Variants in NRXN3 observed in about 807,000 individuals in gnomAD.
The protein encoded by NRXN3 is neurexin 3, also known as neurexin III.
In NRXN3, 32 loss-of-function variants were observed where a neutral mutation model predicts 137.6. That is an observed-to-expected ratio of 0.23 (90% confidence interval 0.18 to 0.31). The LOEUF is 0.31. Ranked by LOEUF, NRXN3 falls within the 10% of genes least tolerant of loss-of-function variation. NRXN3 has a pLI of 1.00. For missense variants in NRXN3, 1,574 were observed against 2,062.5 expected (o/e 0.76, Z 4.59); for synonymous variants, 798 against 784.5 (o/e 1.02, Z -0.29).
At chr14:79,142,942 C>T (rs975456702) in intron 15 of NRXN3, among the ~76,000 whole-genome samples, 1 of 152,114 alleles carries the variant, frequency 6.6e-6, no homozygotes, top group Admixed American at 6.6e-5. Flanking sequence ...GTAGCCATAA[C>T]TAAGGGAAAT....
chr14:78,643,805 G>A (rs952810466), intron 4 of NRXN3, among the ~76,000 whole-genome samples: 13 of 152,210 alleles, frequency 8.5e-5, no homozygotes, highest in African/African-American at 2.2e-4. Context: ...AGTCTCCCAC[G>A]GCTACTCCTC....
chr14:78,810,803 C>G (rs2098908313), intron 10 of NRXN3, among the ~76,000 whole-genome samples: 1 of 152,194 alleles, frequency 6.6e-6, no homozygotes, highest in Admixed American at 6.5e-5. Flanking sequence ...CAGTATTTAT[C>G]TCTGTTGGGA....
chr14:78,581,146 A>T (rs1402010663), intron 4 of NRXN3, among the ~76,000 whole-genome samples: 1 of 152,212 alleles, frequency 6.6e-6, no homozygotes, highest in Non-Finnish European at 1.5e-5. Flanking sequence ...CAAAATCACA[A>T]GGCTACTAAT....
chr14:78,426,231 A>T (rs1042273329), intron 4 of NRXN3, among the ~76,000 whole-genome samples: 1 of 152,178 alleles, frequency 6.6e-6, no homozygotes, highest in Non-Finnish European at 1.5e-5. Flanking sequence ...AGGGTCCCTT[A>T]CAGGGTGGCC....
At chr14:78,998,260 C>T (rs1043779250) in intron 15 of NRXN3, among the ~76,000 whole-genome samples, 1 of 152,076 alleles carries the variant, frequency 6.6e-6, no homozygotes, top group African/African-American at 2.4e-5. Flanking sequence ...TCTTTTTTAC[C>T]TGACTTCACC....
intron 19 of NRXN3, among the ~76,000 whole-genome samples, chr14:79,705,493 AT>A (rs1316914940): frequency 1.3e-5 from 2 of 152,122 alleles, no homozygotes; most frequent in African/African-American, 2.4e-5. Context: ...GCTTTTGCAG[AT>A]TTTTTTCCTG....
At chr14:78,990,808 A>G (rs964636619) in intron 15 of NRXN3, among the ~76,000 whole-genome samples, 3 of 152,334 alleles carry the variant, frequency 2.0e-5, no homozygotes, top group Middle Eastern at 3.4e-3. Flanking sequence ...TCTGTTTCCA[A>G]TAATTGGTAT....
intron 15 of NRXN3, among the ~76,000 whole-genome samples, chr14:79,004,455 G>A (rs2099548147): frequency 6.6e-6 from 1 of 152,120 alleles, no homozygotes; most frequent in African/African-American, 2.4e-5. Context: ...TATTGCCCAG[G>A]CAGGTCTCAA....
At chr14:79,227,787 C>CCT (rs1568684670) in intron 15 of NRXN3, among the ~76,000 whole-genome samples, 18 of 35,808 alleles carry the variant, frequency 5.0e-4, no homozygotes, top group East Asian at 2.1e-3. Flanking sequence ...CCTTCCTTCC[C>CCT]TCCTCCCTTC....
Position 79,267,815 on chromosome 14 carries a change from A to T in NRXN3, c.3263-199406A>T, listed in dbSNP as rs115799206. ...TGATCACAACTATTGGGAGTATTTT[A>T]AAATTGTAATTGACGTAGACTGGTA... On this transcript the variant is annotated intron_variant, in intron 15 of 20. Transcript: ENST00000335750. Among the ~76,000 whole-genome samples the T allele has an allele frequency of 5.8e-3, 888 of 152,292 alleles. 6 individuals are homozygous for T. Among genetic ancestry groups the T allele is most frequent in the African/African-American group, 0.021 (856 of 41,558 alleles).
chr14:79,736,375 G>A (rs4445828), intron 19 of NRXN3, among the ~76,000 whole-genome samples: 82,232 of 152,024 alleles, frequency 0.54, 22,854 homozygotes, highest in Middle Eastern at 0.67. Flanking sequence ...GACCCCATCA[G>A]GTATTTTTTG....
chr14:78,658,568 C>A (rs956494006), intron 6 of NRXN3, among the ~76,000 whole-genome samples: 1 of 152,104 alleles, frequency 6.6e-6, no homozygotes. Context: ...ATTAAAAAGG[C>A]CTGATACTGG....
At chr14:78,862,999 G>A (rs1448412166) in intron 10 of NRXN3, among the ~76,000 whole-genome samples, 1 of 152,066 alleles carries the variant, frequency 6.6e-6, no homozygotes, top group Admixed American at 6.6e-5. Context: ...AATGGAAATT[G>A]CTGTTGATGA....
chr14:78,688,412 G>T (rs924613669), intron 6 of NRXN3, among the ~76,000 whole-genome samples: 2 of 152,160 alleles, frequency 1.3e-5, no homozygotes, highest in South Asian at 4.1e-4. Context: ...GGAATGCTGA[G>T]AGGTCAAGGA....
At chr14:79,113,343 T>C (rs1401165292) in intron 15 of NRXN3, among the ~76,000 whole-genome samples, 1 of 152,148 alleles carries the variant, frequency 6.6e-6, no homozygotes, top group African/African-American at 2.4e-5. Context: ...CTTTTGAATG[T>C]CTCCACCATG....
chr14:78,256,481 C>A (rs1391269905), intron 2 of NRXN3, among the ~76,000 whole-genome samples: 1 of 152,228 alleles, frequency 6.6e-6, no homozygotes, highest in Non-Finnish European at 1.5e-5. Flanking sequence ...ATGTGCATGC[C>A]TTCAATCCAA....
At chr14:79,099,992 A>G (rs2050978970) in intron 15 of NRXN3, among the ~76,000 whole-genome samples, 1 of 152,224 alleles carries the variant, frequency 6.6e-6, no homozygotes, top group African/African-American at 2.4e-5. Context: ...ATAATTTTCT[A>G]TAGACAAAAT....
intron 4 of NRXN3, among the ~76,000 whole-genome samples, chr14:78,633,874 C>G (rs1486541391): frequency 6.6e-6 from 1 of 152,126 alleles, no homozygotes; most frequent in East Asian, 1.9e-4. Context: ...GCATTGACTC[C>G]AGGTCCTTTT....
chr14:78,465,862 T>A (rs1252865043), intron 4 of NRXN3, among the ~76,000 whole-genome samples: 1 of 150,618 alleles, frequency 6.6e-6, no homozygotes, highest in South Asian at 2.1e-4. Flanking sequence ...TTTATTTATT[T>A]ATTTTTTGAG....
Sources: allele counts gnomAD v4.1 joint callset (sites outside exome capture counted in the v4.1 genomes callset), GRCh38; gene constraint gnomAD v4.1.1; transcripts MANE v1.5; gene names NCBI Gene and HGNC (gene_info 2026-07-23, HGNC 2026-07-21).